Variants in SHISA9 observed in about 807,000 individuals in gnomAD.
SHISA9 encodes the protein shisa family member 9, also known as protein shisa-9.
SHISA9 carries 13 observed loss-of-function variants against 38.0 expected under a neutral mutation model. The ratio of observed to expected loss-of-function variants is 0.34; its 90% CI spans 0.22 to 0.54. The LOEUF (loss-of-function observed/expected upper bound fraction) is 0.54, where lower values mean the gene tolerates loss of function less well. Ranked by LOEUF, SHISA9 falls within the 20% of genes least tolerant of loss-of-function variation. The pLI is 0.91. For synonymous variants in SHISA9, 275 were observed against 242.0 expected (o/e 1.14, Z -1.27); for missense variants, 538 against 575.8 (o/e 0.93, Z 0.67).
intron 2 of SHISA9, among the ~76,000 whole-genome samples, chr16:13,039,451 A>C (rs2073109142): frequency 6.6e-6 from 1 of 151,768 alleles, no homozygotes; most frequent in Non-Finnish European, 1.5e-5. Context: ...TATTTGCAAA[A>C]AGACATGCCT....
At chr16:13,482,538 G>A in the SHISA9 span, among the ~76,000 whole-genome samples, 5 of 152,220 alleles carry the variant, frequency 3.3e-5, no homozygotes, top group East Asian at 9.6e-4. Flanking sequence ...GGTGGCTCAT[G>A]CCTGTAATCC....
chr16:13,494,904 C>G, the SHISA9 span, among the ~76,000 whole-genome samples: 1 of 152,132 alleles, frequency 6.6e-6, no homozygotes, highest in Non-Finnish European at 1.5e-5. Context: ...TCTGTTCTGT[C>G]TATACATTGA....
chr16:13,095,051 A>C (rs2073811963), intron 2 of SHISA9, among the ~76,000 whole-genome samples: 1 of 152,206 alleles, frequency 6.6e-6, no homozygotes, highest in South Asian at 2.1e-4. Context: ...TTGATAGAGA[A>C]AACTTGATAG....
the SHISA9 span, among the ~76,000 whole-genome samples, chr16:13,527,281 C>A: frequency 6.6e-6 from 1 of 152,166 alleles, no homozygotes; most frequent in African/African-American, 2.4e-5. Flanking sequence ...TCTCCCTCAG[C>A]GTTTTTGGAG....
At chr16:12,956,075 C>T (rs773722351) in intron 2 of SHISA9, among the ~76,000 whole-genome samples, 1 of 152,116 alleles carries the variant, frequency 6.6e-6, no homozygotes, top group African/African-American at 2.4e-5. Context: ...CAAACAACCC[C>T]GTTAAAAACT....
chr16:13,268,867 G>T, the SHISA9 span, among the ~76,000 whole-genome samples: 23,537 of 151,980 alleles, frequency 0.15, 2,069 homozygotes, highest in Non-Finnish European at 0.19. Context: ...GTGTCCAATT[G>T]GACACATGAT....
At chr16:13,432,470 A>G in the SHISA9 span, among the ~76,000 whole-genome samples, 1 of 152,254 alleles carries the variant, frequency 6.6e-6, no homozygotes, top group Non-Finnish European at 1.5e-5. Flanking sequence ...GATATTCTAA[A>G]GTATTCCAGA....
intron 4 of SHISA9, 112 bp from the exon 5 acceptor site, chr16:13,234,918 C>T: frequency 1.5e-6 from 2 of 1,306,888 alleles, no homozygotes; most frequent in Non-Finnish European, 2.1e-6. Flanking sequence ...ACTGTTGGCC[C>T]ATTTTTATGC....
the SHISA9 span, among the ~76,000 whole-genome samples, chr16:13,359,476 C>G: frequency 0.012 from 1,891 of 152,158 alleles, 49 homozygotes; most frequent in African/African-American, 0.043. Flanking sequence ...GAGTGAGACT[C>G]CATCTCAGAA....
intron 2 of SHISA9, among the ~76,000 whole-genome samples, chr16:12,945,785 T>C (rs34756802): frequency 1.3e-5 from 2 of 152,020 alleles, no homozygotes; most frequent in African/African-American, 4.8e-5. Context: ...GGTATATACA[T>C]ACACATCTCC....
the SHISA9 span, among the ~76,000 whole-genome samples, chr16:13,422,405 A>G: frequency 7.2e-5 from 11 of 152,196 alleles, no homozygotes; most frequent in Non-Finnish European, 1.2e-4. Flanking sequence ...ATATAAGACA[A>G]TTGGGTTAGG....
At chr16:13,535,640 A>G in the SHISA9 span, among the ~76,000 whole-genome samples, 99 of 152,312 alleles carry the variant, frequency 6.5e-4, no homozygotes, top group Non-Finnish European at 1.1e-3. Context: ...GCTCCTTGCA[A>G]AAAAAGTTTG....
At chr16:13,367,214 A>G in the SHISA9 span, among the ~76,000 whole-genome samples, 6 of 151,432 alleles carry the variant, frequency 4.0e-5, no homozygotes, top group Admixed American at 2.0e-4. Context: ...CCATTCAAGG[A>G]TTATACGTTT....
intron 2 of SHISA9, among the ~76,000 whole-genome samples, chr16:13,123,011 A>G (rs1459585991): frequency 6.6e-6 from 1 of 152,180 alleles, no homozygotes; most frequent in Non-Finnish European, 1.5e-5. Context: ...TGTGCCACTG[A>G]ACCCCAGCCT....
At chr16:13,005,751 A>G (rs1046715433) in intron 2 of SHISA9, among the ~76,000 whole-genome samples, 4 of 152,170 alleles carry the variant, frequency 2.6e-5, no homozygotes, top group Non-Finnish European at 5.9e-5. Context: ...GCCCAACCAC[A>G]TGGCTAGAGA....
chr16:13,331,170 T>A, the SHISA9 span, among the ~76,000 whole-genome samples: 1 of 152,048 alleles, frequency 6.6e-6, no homozygotes, highest in Middle Eastern at 3.2e-3. Flanking sequence ...ACCCACGAAG[T>A]GTCCCATAAA....
chr16:13,452,209 G>A, the SHISA9 span, among the ~76,000 whole-genome samples: 1 of 152,180 alleles, frequency 6.6e-6, no homozygotes, highest in Admixed American at 6.5e-5. Context: ...CTGTTACAGA[G>A]GGAGGGTGCA....
chr16:12,920,937 A>G (rs1406052680), intron 2 of SHISA9, among the ~76,000 whole-genome samples: 1 of 152,220 alleles, frequency 6.6e-6, no homozygotes, highest in Non-Finnish European at 1.5e-5. Context: ...TGGTAAAGAC[A>G]GGAAACAACA....
chr16:13,079,490 A>G (rs536565244), intron 2 of SHISA9, among the ~76,000 whole-genome samples: 3 of 152,362 alleles, frequency 2.0e-5, no homozygotes, highest in Non-Finnish European at 2.9e-5. Context: ...GAAACCCATT[A>G]TACTGTTAAG....
Sources: allele counts gnomAD v4.1 joint callset (sites outside exome capture counted in the v4.1 genomes callset), GRCh38; gene constraint gnomAD v4.1.1; transcripts MANE v1.5; gene names NCBI Gene and HGNC (gene_info 2026-07-23, HGNC 2026-07-21).